Variants in ACTN2 observed in about 807,000 individuals in gnomAD.
ACTN2 encodes the protein alpha-actinin-2.
In ACTN2, 39 loss-of-function variants were observed where a neutral mutation model predicts 113.8. The observed-to-expected ratio is 0.34, with a 90% confidence interval of 0.27 to 0.45. The LOEUF (loss-of-function observed/expected upper bound fraction) is 0.45. Among genes scored for constraint, ACTN2 ranks in the 20% least tolerant of loss-of-function variants. The pLI, the probability that ACTN2 is intolerant of heterozygous loss-of-function variation, is 1.00. For synonymous variants in ACTN2, 429 were observed against 444.1 expected (o/e 0.97, Z 0.43); for missense variants, 992 against 1,177.9 (o/e 0.84, Z 2.31).
chr1:236,738,421 A>G (rs1429039597), intron 9 of ACTN2, among the ~76,000 whole-genome samples: 1 of 152,238 alleles, frequency 6.6e-6, no homozygotes, highest in Non-Finnish European at 1.5e-5. Context: ...TCATATCTTC[A>G]TACTGCTGCT....
chr1:236,738,352 A>T (rs1346566295), intron 9 of ACTN2, among the ~76,000 whole-genome samples: 1 of 152,260 alleles, frequency 6.6e-6, no homozygotes, highest in Non-Finnish European at 1.5e-5. Flanking sequence ...TGGGAAAAGT[A>T]TCAGGACATT....
At chr1:236,748,757 T>C (rs12048046) in intron 13 of ACTN2, among the ~76,000 whole-genome samples, 19,897 of 152,220 alleles carry the variant, frequency 0.13, 1,454 homozygotes, top group East Asian at 0.23. Flanking sequence ...CCCTGCATTT[T>C]CTGTTAATCT....
intron 6 of ACTN2, among the ~76,000 whole-genome samples, chr1:236,730,981 G>A (rs1343411059): frequency 6.6e-6 from 1 of 152,170 alleles, no homozygotes. Flanking sequence ...TCTTGTCAAT[G>A]CATCTGTTCT....
Position 236,717,839 on chromosome 1 carries a change from T to A in ACTN2, c.127-19T>A. Reference sequence around the variant, plus strand: ...AATCCGATGGACCTGTGCTAAACCGTGTTTGGTTTTCTTTGCAGACCTTCA... The same window carrying A: ...AATCCGATGGACCTGTGCTAAACCGAGTTTGGTTTTCTTTGCAGACCTTCA... On this transcript the variant is annotated intron_variant, in intron 1 of 20. Transcript: ENST00000366578. The A allele has an allele frequency of 6.4e-7, 1 of 1,556,920 alleles. No homozygotes were observed. Among genetic ancestry groups the A allele is most frequent in the Middle Eastern group, 1.7e-4 (1 of 5,952 alleles).
intron 20 of ACTN2, among the ~76,000 whole-genome samples, chr1:236,761,432 CGTGT>C (rs3831321): frequency 6.2e-3 from 935 of 150,534 alleles, no homozygotes; most frequent in Middle Eastern, 0.01. Flanking sequence ...TTTGTACTTG[CGTGT>C]GTGTGTGTGT....
At position 236,751,629 on chromosome 1, in the gene ACTN2, G is replaced by A; in HGVS notation, c.1816G>A (p.Glu606Lys). 6.2e-7 allele frequency: 1 copy of A among 1,613,986 alleles called. No individual in the cohort carries two copies. Among genetic ancestry groups the A allele is most frequent in the South Asian group, 1.1e-5 (1 of 91,080 alleles). Residue 606 changes from glutamate to lysine, a missense_variant, in exon 15 of 21, where the codon GAG becomes AAG. This residue lies in a region of ACTN2 where 736 missense variants were observed against 815.4 expected (regional missense o/e 0.90). Transcript: ENST00000366578. ...SNPYSTVTMD[E>K]LRTKWDKVKQ... ...CCCGTACAGCACTGTCACCATGGAT[G>A]AGCTCCGGACCAAGTGGGACAAGGT... is the stretch of plus-strand genomic sequence containing the variant.
chr1:236,687,066 G>A (rs1665899332), intron 1 of ACTN2, among the ~76,000 whole-genome samples: 1 of 152,104 alleles, frequency 6.6e-6, no homozygotes, highest in African/African-American at 2.4e-5. Context: ...ACCCGCGTTA[G>A]ACCAGATCTG....
chr1:236,713,321 G>A lies in ACTN2; in HGVS notation c.127-4537G>A, dbSNP rs181586768. On this transcript the variant is annotated intron_variant, in intron 1 of 20. Transcript: ENST00000366578. Reference sequence around the variant, plus strand: ...TGGCTCACTGCAACCTCTGCCTCCCGGGTTCAAGCAATTCTTCTGCCTCAG... The same window carrying A: ...TGGCTCACTGCAACCTCTGCCTCCCAGGTTCAAGCAATTCTTCTGCCTCAG... Among the ~76,000 whole-genome samples the A allele has an allele frequency of 2.4e-3, 371 of 151,518 alleles. 1 individual carries two copies. The highest frequency in any genetic ancestry group is 8.4e-3 in the African/African-American group (348 of 41,298).
At chr1:236,693,672 C>G (rs1441902148) in intron 1 of ACTN2, among the ~76,000 whole-genome samples, 1 of 152,196 alleles carries the variant, frequency 6.6e-6, no homozygotes, top group Non-Finnish European at 1.5e-5. Flanking sequence ...CCTGTGTGCT[C>G]CAAGGCCTTC....
intron 11 of ACTN2, 91 bp from the exon 12 acceptor site, chr1:236,744,535 T>C: frequency 6.7e-7 from 1 of 1,489,254 alleles, no homozygotes; most frequent in Non-Finnish European, 9.2e-7. Flanking sequence ...CTTGGTTCTT[T>C]GGAATCTCAC....
At chr1:236,719,824 T>G (rs1658330437) in intron 3 of ACTN2, among the ~76,000 whole-genome samples, 1 of 152,024 alleles carries the variant, frequency 6.6e-6, no homozygotes, top group South Asian at 2.1e-4. Context: ...CCTTAGCTAT[T>G]ACATCTTAAA....
intron 4 of ACTN2, among the ~76,000 whole-genome samples, chr1:236,722,678 T>C (rs1658432984): frequency 6.6e-6 from 1 of 150,420 alleles, no homozygotes; most frequent in African/African-American, 2.4e-5. Flanking sequence ...GATTAATATA[T>C]CTGTTGATGA....
At position 236,757,698 on chromosome 1, in the gene ACTN2, G is replaced by T. The variant is rs115838741; in HGVS notation, c.2301+66G>T. The stretch of plus-strand genomic sequence containing the variant: ...TTAAACAATGTATCTGAAATAATAT[G>T]CATGCTCTCGTTTTAAGTCTTAAGG... On this transcript the variant is annotated intron_variant, in intron 18 of 20. Coordinates refer to ENST00000366578, the MANE Select transcript of ACTN2 (RefSeq NM_001103.4). 944 of 1,591,196 alleles carry T rather than the reference G, an allele frequency of 5.9e-4. 10 individuals carry two copies. In the African/African-American group the frequency reaches 0.01, roughly 17 times the overall value.
rs572910254 is a variant in ACTN2 at position 236,726,368 on chromosome 1, C to T, written c.536+348C>T. On this transcript the variant is annotated intron_variant, in intron 5 of 20. Transcript: ENST00000366578. ...GTTGTTTCTCAGGGATGAGGGAGACCCTGGCAGAGTCTGCGTACCCCCCAC... is the reference window on the plus strand; with the variant it reads ...GTTGTTTCTCAGGGATGAGGGAGACTCTGGCAGAGTCTGCGTACCCCCCAC... Among the ~76,000 whole-genome samples the T allele has an allele frequency of 2.6e-5, 4 of 152,186 alleles. No individual in the cohort carries two copies. In the South Asian group the frequency reaches 8.3e-4, roughly 32 times the overall value.
At chr1:236,715,384 T>A (rs1658163540) in intron 1 of ACTN2, among the ~76,000 whole-genome samples, 1 of 142,658 alleles carries the variant, frequency 7.0e-6, no homozygotes, top group Admixed American at 7.7e-5. Flanking sequence ...TACATAAAAT[T>A]AATATGTTAA....
intron 3 of ACTN2, 104 bp downstream of exon 3, chr1:236,719,117 T>G (rs1658307534): frequency 6.6e-7 from 1 of 1,510,636 alleles, no homozygotes; most frequent in Non-Finnish European, 9.1e-7. Context: ...CACCATTTAC[T>G]GTACCTGCCT....
intron 18 of ACTN2, 26 bp from the exon 19 acceptor site, chr1:236,759,698 G>A: frequency 6.2e-7 from 1 of 1,609,440 alleles, no homozygotes; most frequent in Non-Finnish European, 8.5e-7. Flanking sequence ...GTGCTCACCT[G>A]CTCTGTCCTT....
chr1:236,712,216 CAG>C (rs1333239889), intron 1 of ACTN2, among the ~76,000 whole-genome samples: 1 of 152,118 alleles, frequency 6.6e-6, no homozygotes, highest in Non-Finnish European at 1.5e-5. Flanking sequence ...TTCACAGAAA[CAG>C]GGGTGATAGG....
Position 236,761,188 on chromosome 1 carries a change from A to T in ACTN2, c.2526+15A>T. 1 of 1,614,072 alleles carries T rather than the reference A, an allele frequency of 6.2e-7. No homozygotes were observed. ...CTTCTGATAAGGTCTGCATTGACAG[A>T]TTTCCTTCTGCTTTAGCAGGAGTCC... On this transcript the variant is annotated intron_variant, in intron 20 of 20. Coordinates refer to ENST00000366578, the MANE Select transcript of ACTN2 (RefSeq NM_001103.4).
Sources: allele counts gnomAD v4.1 joint callset (sites outside exome capture counted in the v4.1 genomes callset), GRCh38; gene constraint gnomAD v4.1.1; regional missense constraint gnomAD v4.1.1; transcripts MANE v1.5; gene names NCBI Gene and HGNC (gene_info 2026-07-23, HGNC 2026-07-21).